Variants in MIPEP observed in about 807,000 individuals in gnomAD.
MIPEP encodes mitochondrial intermediate peptidase.
In MIPEP, 79 loss-of-function variants were observed where a neutral mutation model predicts 90.3. The ratio of observed to expected loss-of-function variants is 0.87; its 90% CI spans 0.73 to 1.05. MIPEP has a LOEUF of 1.05. Ranked by LOEUF, MIPEP falls within the 50% of genes least tolerant of loss-of-function variation. The probability of loss-of-function intolerance (pLI) is 0.00; values close to 1 mark genes in which losing one functional copy is unlikely to be tolerated. For missense variants in MIPEP, 940 were observed against 905.6 expected (o/e 1.04, Z -0.49); for synonymous variants, 334 against 315.8 (o/e 1.06, Z -0.61).
At chr13:23,730,759 T>A (rs1181895827) in intron 18 of MIPEP, among the ~76,000 whole-genome samples, 1 of 152,242 alleles carries the variant, frequency 6.6e-6, no homozygotes, top group African/African-American at 2.4e-5. Context: ...AAGACTGATT[T>A]TTTTTTAGTT....
chr13:23,887,118 T>C (rs1326572519), intron 1 of MIPEP, among the ~76,000 whole-genome samples: 3 of 152,192 alleles, frequency 2.0e-5, no homozygotes, highest in African/African-American at 7.2e-5. Context: ...TATGAAGCAA[T>C]AGATATTTTA....
At chr13:23,761,631 T>C (rs567934779) in intron 16 of MIPEP, among the ~76,000 whole-genome samples, 24 of 152,300 alleles carry the variant, frequency 1.6e-4, no homozygotes, top group African/African-American at 5.1e-4. Context: ...CATCAGCAGG[T>C]GCAGGGCTAT....
chr13:23,813,023 T>C (rs569600883), intron 14 of MIPEP, among the ~76,000 whole-genome samples: 2 of 152,316 alleles, frequency 1.3e-5, no homozygotes, highest in East Asian at 1.9e-4. Flanking sequence ...ACTAGTTTGA[T>C]TGTTAGTCAA....
At chr13:23,887,302 A>C (rs558072833) in intron 1 of MIPEP, among the ~76,000 whole-genome samples, 3 of 152,198 alleles carry the variant, frequency 2.0e-5, no homozygotes, top group Non-Finnish European at 2.9e-5. Context: ...AGGCAGGGGG[A>C]AAAAGCATTT....
intron 16 of MIPEP, among the ~76,000 whole-genome samples, chr13:23,767,518 C>T (rs1007696586): frequency 6.6e-6 from 1 of 151,106 alleles, no homozygotes; most frequent in Non-Finnish European, 1.5e-5. Context: ...GTGGCACGAT[C>T]TCGGCTCACT....
Position 23,841,410 on chromosome 13 carries a change from G to C in MIPEP, c.1185C>G (p.Asn395Lys). The C allele has an allele frequency of 6.2e-7, 1 of 1,614,126 alleles. No individual in the cohort carries two copies. The highest frequency in any genetic ancestry group is 1.3e-5 in the African/African-American group (1 of 75,026). ...CATATAATGAAATCCCCAACAGTCT[G>C]TTAAGCAAAATATTCAGGCCTTCCA... ...ACMEGLNILL[N>K]RLLGISLYAE... is the part of the protein sequence containing the mutation. The change falls in exon 11 of 19, where the codon AAC (asparagine) becomes AAG (lysine). Residue 395 changes from asparagine (N) to lysine (K), a missense_variant. Transcript: ENST00000382172.
At chr13:23,838,577 CACA>C (rs1267629913) in intron 12 of MIPEP, among the ~76,000 whole-genome samples, 6 of 152,162 alleles carry the variant, frequency 3.9e-5, no homozygotes, top group Non-Finnish European at 7.4e-5. Flanking sequence ...ACTTATTCTC[CACA>C]ACAACCCTAT....
chr13:23,778,359 G>A (rs541688429), intron 16 of MIPEP, among the ~76,000 whole-genome samples: 1 of 152,100 alleles, frequency 6.6e-6, no homozygotes, highest in African/African-American at 2.4e-5. Context: ...AAATCATGAT[G>A]TGTGCAAGAC....
intron 4 of MIPEP, among the ~76,000 whole-genome samples, chr13:23,876,385 G>C (rs1252150230): frequency 1.3e-5 from 2 of 152,074 alleles, no homozygotes; most frequent in African/African-American, 4.8e-5. Context: ...TTTTACAAAG[G>C]AGAAAACTAG....
At chr13:23,807,178 G>C (rs558470793) in intron 15 of MIPEP, among the ~76,000 whole-genome samples, 2 of 152,324 alleles carry the variant, frequency 1.3e-5, no homozygotes, top group South Asian at 4.1e-4. Context: ...GTTTGGACAT[G>C]AAATCTGCTG....
chr13:23,780,014 C>T (rs1952762525), intron 16 of MIPEP, among the ~76,000 whole-genome samples: 1 of 152,216 alleles, frequency 6.6e-6, no homozygotes, highest in Admixed American at 6.5e-5. Flanking sequence ...CCTCAGTAGA[C>T]TCCACCTCTG....
chr13:23,790,740 C>T (rs1485111669), intron 16 of MIPEP, among the ~76,000 whole-genome samples: 2 of 152,188 alleles, frequency 1.3e-5, no homozygotes, highest in East Asian at 3.9e-4. Flanking sequence ...CTTCATTCAG[C>T]CCATTAACAC....
chr13:23,881,203 C>A lies in MIPEP; in HGVS notation c.452+496G>T, dbSNP rs146578846. On this transcript the variant is annotated intron_variant, in intron 3 of 18. Transcript: ENST00000382172. ...CCTAATTCCAACTCAACAGGGACCACAAGGACACTGTTTATAGAGCATTTT... is the reference window on the plus strand; with the variant it reads ...CCTAATTCCAACTCAACAGGGACCAAAAGGACACTGTTTATAGAGCATTTT... 3.4e-3 allele frequency among the ~76,000 whole-genome samples: 512 copies of A among 152,352 alleles called. No homozygotes were observed. In the Middle Eastern group the frequency reaches 0.044, roughly 13 times the overall value.
At chr13:23,787,056 T>C (rs945750474) in intron 16 of MIPEP, among the ~76,000 whole-genome samples, 2 of 152,180 alleles carry the variant, frequency 1.3e-5, no homozygotes, top group African/African-American at 4.8e-5. Flanking sequence ...ACGCCACAGC[T>C]TGACACGCAG....
intron 16 of MIPEP, among the ~76,000 whole-genome samples, chr13:23,779,938 A>G (rs542561937): frequency 8.5e-4 from 130 of 152,326 alleles, no homozygotes; most frequent in African/African-American, 3.0e-3. Context: ...TGAAGCTTTG[A>G]GTAGGTAAAC....
intron 14 of MIPEP, among the ~76,000 whole-genome samples, chr13:23,817,673 G>A (rs1167058899): frequency 2.6e-5 from 4 of 152,122 alleles, no homozygotes; most frequent in Non-Finnish European, 5.9e-5. Flanking sequence ...TGGAGTCTGT[G>A]AGGCATGCTG....
chr13:23,770,057 T>A (rs1952632621), intron 16 of MIPEP, among the ~76,000 whole-genome samples: 1 of 152,174 alleles, frequency 6.6e-6, no homozygotes, highest in African/African-American at 2.4e-5. Context: ...CCTCCATTAC[T>A]GTAAAAAATA....
intron 16 of MIPEP, among the ~76,000 whole-genome samples, chr13:23,785,870 G>A (rs961171568): frequency 6.6e-6 from 1 of 151,552 alleles, no homozygotes; most frequent in Non-Finnish European, 1.5e-5. Flanking sequence ...TGAAAACCTA[G>A]TATCTGACAA....
At chr13:23,877,646 A>C (rs1017094808) in intron 4 of MIPEP, among the ~76,000 whole-genome samples, 2 of 152,232 alleles carry the variant, frequency 1.3e-5, no homozygotes, top group Non-Finnish European at 2.9e-5. Context: ...CTAGTATTTC[A>C]AGGACTGAAT....
Sources: allele counts gnomAD v4.1 joint callset (sites outside exome capture counted in the v4.1 genomes callset), GRCh38; gene constraint gnomAD v4.1.1; transcripts MANE v1.5; gene names NCBI Gene and HGNC (gene_info 2026-07-23, HGNC 2026-07-21).